The following PCSK5 variants were observed in gnomAD, a reference collection of about 807,000 sequenced individuals.
PCSK5 encodes prohormone convertase 5.
Under a neutral mutation model 233.2 loss-of-function variants are expected in PCSK5, and 129 were observed. That is an observed-to-expected ratio of 0.55 (90% confidence interval 0.48 to 0.64). The LOEUF (loss-of-function observed/expected upper bound fraction) is 0.64. Among genes scored for constraint, PCSK5 ranks in the 30% least tolerant of loss-of-function variants. The pLI is 0.00. For synonymous variants in PCSK5, 825 were observed against 879.2 expected, an observed-to-expected ratio of 0.94 and a Z score of 1.09; for missense variants, 2,076 against 2,430.1, an observed-to-expected ratio of 0.85 and a Z score of 3.06.
In PCSK5 at chr9:75,963,169, G is replaced by A. The variant is rs78773920; in HGVS notation, c.298-22963G>A. Among the ~76,000 whole-genome samples the A allele has an allele frequency of 6.8e-3, 1,037 of 151,942 alleles. 9 individuals are homozygous for A. Among genetic ancestry groups the A allele is most frequent in the African/African-American group, 0.024 (992 of 41,396 alleles). ...AAGTTAAAAGATCAGATTGGGCCAC[G>A]GCTCACAGGTTAGCATTTGGGGATA... On this transcript the variant is annotated intron_variant, in intron 2 of 37. Transcript: ENST00000674117.
intron 24 of PCSK5, among the ~76,000 whole-genome samples, chr9:76,277,029 A>G (rs969716653): frequency 2.0e-5 from 3 of 152,060 alleles, no homozygotes; most frequent in African/African-American, 7.2e-5. Context: ...AGAGTTCGAG[A>G]CCAACCTGGC....
chr9:76,338,173 G>A, intron 34 of PCSK5, 57 bp from the exon 35 acceptor site: 1 of 1,275,978 alleles, frequency 7.8e-7, no homozygotes. Context: ...TTTTTCCACT[G>A]CATCCAATTT....
intron 1 of PCSK5, among the ~76,000 whole-genome samples, chr9:75,897,489 C>CTTTTT (rs58504698): frequency 1.3e-4 from 15 of 119,608 alleles, no homozygotes; most frequent in South Asian, 5.5e-4. Context: ...TCTTTCTTTT[C>CTTTTT]TTTTTTTTTT....
In PCSK5 at chr9:76,118,037, C is replaced by T. The variant is rs962853282; in HGVS notation, c.1208+10686C>T. ...TTATTCATTGCTCTGAATTTAGGTG[C>T]CATTGGAATTGACATCTGATAGCCT... On this transcript the variant is annotated intron_variant, in intron 9 of 37. Transcript: ENST00000674117. Among the ~76,000 whole-genome samples, 3 of 152,102 alleles carry T rather than the reference C, an allele frequency of 2.0e-5. No homozygotes were observed. In the South Asian group the frequency reaches 6.2e-4, roughly 32 times the overall value.
At chr9:76,170,568 T>A (rs954375368) in intron 13 of PCSK5, among the ~76,000 whole-genome samples, 5 of 152,196 alleles carry the variant, frequency 3.3e-5, no homozygotes, top group Non-Finnish European at 7.3e-5. Context: ...CAGTGAATGA[T>A]CTGTTTGATA....
chr9:76,163,859 C>CTTTTTTTTTTT (rs67386134), intron 12 of PCSK5, among the ~76,000 whole-genome samples: 6 of 97,892 alleles, frequency 6.1e-5, no homozygotes, highest in Non-Finnish European at 8.3e-5. Context: ...AAAAAGCTGT[C>CTTTTTTTTTTT]TTTTTTTTTT....
In PCSK5 at chr9:75,946,053, G is replaced by A. The variant is rs569907594; in HGVS notation, c.297+13570G>A. On this transcript the variant is annotated intron_variant, in intron 2 of 37. Coordinates refer to ENST00000674117, the MANE Select transcript of PCSK5 (RefSeq NM_001372043.1). ...GAGGCCATGCATCTCATTAACTGTG[G>A]TATTCCCATGGCCTGGAACAATATC... 8.5e-5 allele frequency among the ~76,000 whole-genome samples: 13 copies of A among 152,274 alleles called. No individual in the cohort carries two copies. In the East Asian group the frequency reaches 2.3e-3, roughly 27 times the overall value.
chr9:75,951,774 C>CA (rs1824869603), intron 2 of PCSK5, among the ~76,000 whole-genome samples: 1 of 145,120 alleles, frequency 6.9e-6, no homozygotes, highest in African/African-American at 2.4e-5. Context: ...AAATTAAAAA[C>CA]AAAAATACAG....
intron 12 of PCSK5, among the ~76,000 whole-genome samples, chr9:76,168,392 C>A (rs1034608028): frequency 2.6e-5 from 4 of 152,186 alleles, no homozygotes; most frequent in African/African-American, 9.7e-5. Context: ...AGGTGATCTG[C>A]CCACCTCAGC....
chr9:76,310,650 T>C lies in PCSK5; in HGVS notation c.3689-6T>C. The C allele has an allele frequency of 6.5e-7, 1 of 1,538,856 alleles. No individual in the cohort carries two copies. The highest frequency in any genetic ancestry group is 8.7e-7 in the Non-Finnish European group (1 of 1,145,324). On this transcript the variant is annotated splice_region_variant and splice_polypyrimidine_tract_variant and intron_variant, in intron 29 of 37. Coordinates refer to ENST00000674117, the MANE Select transcript of PCSK5 (RefSeq NM_001372043.1). ...TTCCCATCTTCCCTCTTCCCTGAATTTCTAGGTGCATATCTTCTGGCTCAG... is the reference window on the plus strand; with the variant it reads ...TTCCCATCTTCCCTCTTCCCTGAATCTCTAGGTGCATATCTTCTGGCTCAG...
At chr9:76,295,479 A>G (rs1335163663) in intron 26 of PCSK5, 68 bp downstream of exon 26, 5 of 1,411,398 alleles carry the variant, frequency 3.5e-6, no homozygotes, top group Non-Finnish European at 4.9e-6. Context: ...TCGGGGCCAC[A>G]GGAGCGCACA....
At chr9:76,124,473 G>A (rs1418820789) in intron 9 of PCSK5, among the ~76,000 whole-genome samples, 1 of 152,118 alleles carries the variant, frequency 6.6e-6, no homozygotes, top group East Asian at 1.9e-4. Context: ...GTGGCCGGGT[G>A]CAGTGGCTCA....
chr9:76,044,082 TAATA>T (rs1375452730), intron 5 of PCSK5, among the ~76,000 whole-genome samples: 25 of 152,194 alleles, frequency 1.6e-4, no homozygotes, highest in African/African-American at 4.8e-4. Context: ...ATATAAATGT[TAATA>T]AATATAAATG....
chr9:76,294,653 C>T (rs2803420), intron 25 of PCSK5, among the ~76,000 whole-genome samples: 39,162 of 151,852 alleles, frequency 0.26, 5,523 homozygotes, highest in African/African-American at 0.38. Context: ...ATCTACCATA[C>T]GAGATTTGTG....
intron 3 of PCSK5, among the ~76,000 whole-genome samples, chr9:75,990,982 A>G (rs1324778891): frequency 6.6e-6 from 1 of 152,198 alleles, no homozygotes; most frequent in Non-Finnish European, 1.5e-5. Flanking sequence ...AACCTGTGTC[A>G]TTTCCATAGT....
chr9:76,338,237 G>A lies in PCSK5; in HGVS notation c.4756G>A (p.Ala1586Thr), dbSNP rs143169640. ...CLLQCREGYY[A>T]DNSTGRCERC... ...CTTCTCCTTTGGTTTCAGATATTAC[G>A]CAGACAACTCCACTGGCCGGTGTGA... Residue 1586 changes from alanine (A) to threonine (T), a missense_variant, in exon 35 of 38, where the codon GCA (alanine) becomes ACA (threonine). Coordinates refer to ENST00000674117, the MANE Select transcript of PCSK5 (RefSeq NM_001372043.1). The A allele has an allele frequency of 1.5e-3, 2,496 of 1,610,334 alleles. 30 individuals are homozygous for A. The African/African-American group carries it at 0.028, about 18-fold the overall frequency.
intron 4 of PCSK5, among the ~76,000 whole-genome samples, chr9:76,024,592 C>T (rs1008861436): frequency 3.3e-5 from 5 of 152,152 alleles, no homozygotes; most frequent in South Asian, 2.1e-4. Context: ...TTGTCACACG[C>T]GAAGAGGGTT....
Position 75,984,036 on chromosome 9 carries a change from G to A in PCSK5, c.298-2096G>A, listed in dbSNP as rs190678880. Among the ~76,000 whole-genome samples the A allele has an allele frequency of 6.4e-3, 971 of 152,198 alleles. 7 individuals are homozygous for A. The highest frequency in any genetic ancestry group is 9.1e-3 in the Non-Finnish European group (621 of 68,014). On this transcript the variant is annotated intron_variant, in intron 2 of 37. Transcript: ENST00000674117. ...TATTGCAGCCCTGTGATCAGACAGAGTGACTTGTCGTCAAATCTAGATGCC... is the reference window on the plus strand; with the variant it reads ...TATTGCAGCCCTGTGATCAGACAGAATGACTTGTCGTCAAATCTAGATGCC...
chr9:76,336,130 T>C (rs1829672069), intron 34 of PCSK5, among the ~76,000 whole-genome samples: 1 of 152,210 alleles, frequency 6.6e-6, no homozygotes, highest in African/African-American at 2.4e-5. Flanking sequence ...GATTGACACA[T>C]AGTAGTCATT....
Sources: allele counts gnomAD v4.1 joint callset (sites outside exome capture counted in the v4.1 genomes callset), GRCh38; gene constraint gnomAD v4.1.1; transcripts MANE v1.5; gene names NCBI Gene and HGNC (gene_info 2026-07-23, HGNC 2026-07-21).